The following DACH2 variants were observed in gnomAD, a reference collection of about 807,000 sequenced individuals.
DACH2 encodes dachshund homolog 2.
A neutral mutation model predicts 35.8 loss-of-function variants in DACH2; 17 were observed. The ratio of observed to expected loss-of-function variants is 0.48; its 90% CI spans 0.33 to 0.71. The LOEUF (loss-of-function observed/expected upper bound fraction) is 0.71, where lower values mean the gene tolerates loss of function less well. Among genes scored for constraint, DACH2 ranks in the 30% least tolerant of loss-of-function variants. The pLI, the probability that DACH2 is intolerant of heterozygous loss-of-function variation, is 0.02. For synonymous variants in DACH2, 195 were observed against 177.3 expected (o/e 1.10, Z -0.79); for missense variants, 469 against 472.7 (o/e 0.99, Z 0.07).
intron 7 of DACH2, among the ~76,000 whole-genome samples, chrX:86,782,354 A>ATTGTGTTTTCT (rs2042096874): frequency 8.9e-6 from 1 of 111,971 alleles, no homozygotes; most frequent in South Asian, 3.7e-4. Flanking sequence ...ATTTATATGG[A>ATTGTGTTTTCT]AACACAAAAG....
At chrX:86,460,742 G>A (rs1219902431) in intron 2 of DACH2, among the ~76,000 whole-genome samples, 1 of 110,674 alleles carries the variant, frequency 9.0e-6, no homozygotes, top group Non-Finnish European at 1.9e-5. Flanking sequence ...TTGGCAGTAG[G>A]TAGTACATTA....
intron 3 of DACH2, among the ~76,000 whole-genome samples, chrX:86,560,579 C>T (rs2039202451): frequency 1.0e-5 from 1 of 100,134 alleles, no homozygotes; most frequent in Non-Finnish European, 2.0e-5. Context: ...GAACAGAGCC[C>T]TCAGAAATAA....
rs183377565 is a variant in DACH2, at chrX:86,455,917, G to T, written c.528-58362G>T. ...GGTGTCTGTGTATGTTTTAGTGGCTGTTCTGCTGAGACTCCACACAGCTTT... is the reference window on the plus strand; with the variant it reads ...GGTGTCTGTGTATGTTTTAGTGGCTTTTCTGCTGAGACTCCACACAGCTTT... On this transcript the variant is annotated intron_variant, in intron 2 of 11. Coordinates refer to ENST00000373125, the MANE Select transcript of DACH2 (RefSeq NM_053281.3). 3.6e-5 allele frequency among the ~76,000 whole-genome samples: 4 copies of T among 112,308 alleles called. No homozygotes were observed. The East Asian group carries it at 1.1e-3, about 32-fold the overall frequency.
intron 7 of DACH2, among the ~76,000 whole-genome samples, chrX:86,756,424 A>G (rs1345407190): frequency 9.4e-6 from 1 of 106,043 alleles, no homozygotes; most frequent in Non-Finnish European, 1.9e-5. Flanking sequence ...AGAGTTTTGT[A>G]GTTTTTCTTC....
chrX:86,315,103 C>G (rs768536781), intron 1 of DACH2, among the ~76,000 whole-genome samples: 3 of 111,993 alleles, frequency 2.7e-5, no homozygotes, highest in African/African-American at 9.7e-5. Flanking sequence ...CAGGCTGACT[C>G]TTTTGTTAGA....
At chrX:86,185,930 A>G (rs987505898) in intron 1 of DACH2, among the ~76,000 whole-genome samples, 5 of 112,298 alleles carry the variant, frequency 4.5e-5, no homozygotes, top group Non-Finnish European at 9.4e-5. Flanking sequence ...ATTGAGCATC[A>G]TTAATGCCCA....
chrX:86,639,411 A>G (rs1307773560), intron 3 of DACH2, among the ~76,000 whole-genome samples: 1 of 111,368 alleles, frequency 9.0e-6, no homozygotes, highest in East Asian at 2.8e-4. Flanking sequence ...AGCTACATGG[A>G]GCTCTGAGCA....
intron 7 of DACH2, among the ~76,000 whole-genome samples, chrX:86,758,768 A>T (rs2041852734): frequency 8.9e-6 from 1 of 112,022 alleles, no homozygotes. Context: ...AGCTTATTTT[A>T]TAATTTATAA....
chrX:86,336,140 A>G (rs1316683007), intron 1 of DACH2, among the ~76,000 whole-genome samples: 2 of 111,666 alleles, frequency 1.8e-5, no homozygotes, highest in Non-Finnish European at 3.8e-5. Flanking sequence ...GTGCTGTTGG[A>G]TTCGGTCTGC....
chrX:86,620,549 G>C (rs2040057283), intron 3 of DACH2, among the ~76,000 whole-genome samples: 1 of 111,445 alleles, frequency 9.0e-6, no homozygotes, highest in South Asian at 3.7e-4. Context: ...TCTGAAACTG[G>C]AATGCCAAAC....
In DACH2 at chrX:86,473,139, C is replaced by A. The variant is rs150098147; in HGVS notation, c.528-41140C>A. On this transcript the variant is annotated intron_variant, in intron 2 of 11. Transcript: ENST00000373125. ...TAAATGGGGTATCCATCACCACAAG[C>A]GTTTATCCTTTGTGTTAAAATAAGC... Among the ~76,000 whole-genome samples the A allele has an allele frequency of 3.7e-3, 415 of 111,210 alleles. 1 individual carries two copies. The highest frequency in any genetic ancestry group is 0.019 in the Middle Eastern group (4 of 215).
rs1389743237 is a variant in DACH2 at position 86,349,880 on chromosome X, T to A, written c.489-26944T>A. 4.5e-5 allele frequency among the ~76,000 whole-genome samples: 5 copies of A among 112,178 alleles called. No homozygotes were observed. The East Asian group carries it at 1.4e-3, about 31-fold the overall frequency. ...TTAGATTTATTTACACTACAGTTAG[T>A]TCAGGCCAGGTGTGGTGGCTCACGC... On this transcript the variant is annotated intron_variant, in intron 1 of 11. Transcript: ENST00000373125.
intron 1 of DACH2, among the ~76,000 whole-genome samples, chrX:86,297,810 G>A (rs2034497771): frequency 8.9e-6 from 1 of 112,077 alleles, no homozygotes; most frequent in Non-Finnish European, 1.9e-5. Context: ...GATATTAATA[G>A]GGAAATCGTG....
intron 1 of DACH2, among the ~76,000 whole-genome samples, chrX:86,152,053 G>T (rs2030385437): frequency 9.0e-6 from 1 of 111,496 alleles, no homozygotes; most frequent in African/African-American, 3.3e-5. Flanking sequence ...GAGCAGGGAG[G>T]GAAGTGCAAG....
At chrX:86,186,338 T>C (rs1315484896) in intron 1 of DACH2, among the ~76,000 whole-genome samples, 1 of 112,701 alleles carries the variant, frequency 8.9e-6, no homozygotes, top group Non-Finnish European at 1.9e-5. Context: ...TCTACTTTCA[T>C]CAGACTCTGA....
intron 1 of DACH2, among the ~76,000 whole-genome samples, chrX:86,321,684 T>C (rs1200055627): frequency 9.0e-6 from 1 of 111,625 alleles, no homozygotes; most frequent in Non-Finnish European, 1.9e-5. Context: ...GATATATTAT[T>C]CATCTCTGAA....
At chrX:86,378,704 G>A (rs1027362266) in intron 2 of DACH2, among the ~76,000 whole-genome samples, 10 of 110,885 alleles carry the variant, frequency 9.0e-5, no homozygotes, top group African/African-American at 2.9e-4. Flanking sequence ...GTCAGTTTGC[G>A]ACCTCTGCTC....
intron 4 of DACH2, among the ~76,000 whole-genome samples, chrX:86,670,793 C>T (rs2040756373): frequency 1.8e-5 from 2 of 111,923 alleles, no homozygotes; most frequent in Admixed American, 1.9e-4. Context: ...ACCATAAGGA[C>T]AAATTACAGT....
At chrX:86,798,011 T>C (rs758563380) in intron 7 of DACH2, among the ~76,000 whole-genome samples, 6 of 112,581 alleles carry the variant, frequency 5.3e-5, no homozygotes, top group Non-Finnish European at 1.1e-4. Context: ...CAGCAATAGA[T>C]GTACTCATAG....
Sources: allele counts gnomAD v4.1 joint callset (sites outside exome capture counted in the v4.1 genomes callset), GRCh38; gene constraint gnomAD v4.1.1; transcripts MANE v1.5; gene names NCBI Gene and HGNC (gene_info 2026-07-23, HGNC 2026-07-21).